ROBO2: variants seen among roughly 807,000 people sequenced by gnomAD.
ROBO2 encodes the protein roundabout guidance receptor 2.
Under a neutral mutation model 160.8 loss-of-function variants are expected in ROBO2, and 53 were observed. The observed-to-expected ratio is 0.33, with a 90% CI of 0.26 to 0.41. The LOEUF is 0.41. ROBO2 is among the 10% of genes least tolerant of loss of function. The probability of loss-of-function intolerance (pLI) is 1.00; values close to 1 mark genes in which losing one functional copy is unlikely to be tolerated. For synonymous variants in ROBO2, 664 were observed against 611.7 expected, an observed-to-expected ratio of 1.09 and a Z score of -1.26; for missense variants, 1,577 against 1,722.4, an observed-to-expected ratio of 0.92 and a Z score of 1.49.
intron 2 of ROBO2, among the ~76,000 whole-genome samples, chr3:77,426,998 A>G (rs1348883727): frequency 6.6e-6 from 1 of 152,058 alleles, no homozygotes; most frequent in East Asian, 1.9e-4. Context: ...AAAATTTGCT[A>G]ACAGCGAACT....
At chr3:76,215,365 T>G (rs1703438701) in intron 2 of ROBO2, among the ~76,000 whole-genome samples, 1 of 152,040 alleles carries the variant, frequency 6.6e-6, no homozygotes, top group African/African-American at 2.4e-5. Context: ...ACTACTCCGA[T>G]CTAAAGGAGG....
chr3:76,456,885 G>A (rs953997530), intron 2 of ROBO2, among the ~76,000 whole-genome samples: 14 of 152,086 alleles, frequency 9.2e-5, no homozygotes, highest in Admixed American at 7.9e-4. Flanking sequence ...GCAGAAACCC[G>A]TGATAAACCC....
chr3:76,289,527 G>T (rs1410377569), intron 2 of ROBO2, among the ~76,000 whole-genome samples: 1 of 152,004 alleles, frequency 6.6e-6, no homozygotes, highest in Non-Finnish European at 1.5e-5. Context: ...GGTTTTCTTT[G>T]CAATTGCTTT....
At chr3:77,320,954 C>A (rs939655242) in intron 2 of ROBO2, among the ~76,000 whole-genome samples, 1 of 152,110 alleles carries the variant, frequency 6.6e-6, no homozygotes, top group Non-Finnish European at 1.5e-5. Context: ...GCAAAGTAGG[C>A]AAGGTACTTT....
intron 2 of ROBO2, among the ~76,000 whole-genome samples, chr3:77,228,414 A>C (rs915230151): frequency 3.4e-5 from 5 of 148,914 alleles, no homozygotes; most frequent in Non-Finnish European, 6.0e-5. Flanking sequence ...TACATGCACA[A>C]ACACACACAC....
At chr3:77,110,956 A>T (rs961527705) in intron 2 of ROBO2, among the ~76,000 whole-genome samples, 2 of 152,154 alleles carry the variant, frequency 1.3e-5, no homozygotes, top group African/African-American at 4.8e-5. Flanking sequence ...GGTCTCCCAA[A>T]GTGCTGGAAC....
intron 23 of ROBO2, among the ~76,000 whole-genome samples, chr3:77,626,945 G>A (rs1041629020): frequency 7.9e-5 from 12 of 152,042 alleles, no homozygotes; most frequent in Admixed American, 5.9e-4. Flanking sequence ...CATCTGACTC[G>A]ACCACACAGC....
At chr3:76,189,510 C>T (rs1051881704) in intron 2 of ROBO2, among the ~76,000 whole-genome samples, 5 of 151,870 alleles carry the variant, frequency 3.3e-5, no homozygotes, top group African/African-American at 1.2e-4. Flanking sequence ...ACATATGTTC[C>T]CTATTAGATT....
At chr3:76,273,053 AAT>A (rs1188605418) in intron 2 of ROBO2, among the ~76,000 whole-genome samples, 1 of 100,334 alleles carries the variant, frequency 1.0e-5, no homozygotes, top group African/African-American at 4.0e-5. Context: ...ATATTATATA[AAT>A]ATATAAAAAA....
chr3:76,329,503 C>G (rs1046298298), intron 2 of ROBO2, among the ~76,000 whole-genome samples: 1 of 152,200 alleles, frequency 6.6e-6, no homozygotes, highest in African/African-American at 2.4e-5. Flanking sequence ...CAGGCCTGAG[C>G]CACGGCATCC....
chr3:77,588,778 A>G lies in ROBO2; in HGVS notation c.2528A>G (p.Glu843Gly), dbSNP rs746175257. The G allele has an allele frequency of 1.5e-5, 25 of 1,613,454 alleles. No homozygotes were observed. Among genetic ancestry groups the G allele is most frequent in the Non-Finnish European group, 1.9e-5 (22 of 1,179,536 alleles). Reference sequence around the variant, plus strand: ...AGACGCAATGAAGTTGTCATTACTGAAAACAATAACAGCATAACTGAGCAA... The same window carrying G: ...AGACGCAATGAAGTTGTCATTACTGGAAACAATAACAGCATAACTGAGCAA... Residue 843 changes from glutamate (E) to glycine (G), a missense_variant, in exon 17 of 26, where the codon GAA becomes GGA. Physicochemically the swap from Glu to Gly is moderately conservative, Grantham distance 98. Around this residue, in one of 2 missense-constraint regions of ROBO2, gnomAD observed 940 missense variants for 1,135.5 expected, o/e 0.83. Transcript: ENST00000461745.
intron 2 of ROBO2, among the ~76,000 whole-genome samples, chr3:76,842,600 T>G (rs1433682441): frequency 6.6e-6 from 1 of 152,200 alleles, no homozygotes; most frequent in Non-Finnish European, 1.5e-5. Context: ...ATGAGATTAG[T>G]TATTGCTTTT....
chr3:76,808,883 G>T (rs1454749335), intron 2 of ROBO2, among the ~76,000 whole-genome samples: 2 of 151,968 alleles, frequency 1.3e-5, no homozygotes, highest in Non-Finnish European at 2.9e-5. Context: ...AAATAAATAT[G>T]GAAATGATGG....
At chr3:76,265,286 G>A (rs763217226) in intron 2 of ROBO2, among the ~76,000 whole-genome samples, 1 of 152,020 alleles carries the variant, frequency 6.6e-6, no homozygotes, top group Non-Finnish European at 1.5e-5. Flanking sequence ...TCGTCTAGGT[G>A]TCCTCAGCCT....
chr3:76,439,985 AT>A (rs1357616134), intron 2 of ROBO2, among the ~76,000 whole-genome samples: 9 of 152,068 alleles, frequency 5.9e-5, no homozygotes, highest in African/African-American at 1.9e-4. Flanking sequence ...AACTAACAGA[AT>A]GTGGTAGCAG....
At chr3:76,188,777 A>G (rs1018249881) in intron 2 of ROBO2, among the ~76,000 whole-genome samples, 12 of 152,110 alleles carry the variant, frequency 7.9e-5, no homozygotes, top group Non-Finnish European at 7.4e-5. Context: ...TTCTGCAGTC[A>G]AGGACCAAGC....
intron 2 of ROBO2, among the ~76,000 whole-genome samples, chr3:77,416,542 C>T (rs796734749): frequency 1.3e-5 from 2 of 151,892 alleles, no homozygotes; most frequent in African/African-American, 4.8e-5. Flanking sequence ...GATGGTGAAA[C>T]ACCATCACTA....
chr3:75,995,271 G>A (rs989717191), intron 2 of ROBO2, among the ~76,000 whole-genome samples: 2 of 152,138 alleles, frequency 1.3e-5, no homozygotes, highest in Middle Eastern at 3.2e-3. Context: ...ATGGTTTCCA[G>A]GACCAGGTCC....
At chr3:75,949,537 C>T (rs962531401) in intron 2 of ROBO2, among the ~76,000 whole-genome samples, 6 of 152,064 alleles carry the variant, frequency 3.9e-5, no homozygotes, top group African/African-American at 1.2e-4. Flanking sequence ...GTTCACTCAA[C>T]ATGGACTGGT....
Sources: gnomAD v4.1 joint callset for allele counts (sites outside exome capture counted in the v4.1 genomes callset) on GRCh38, gnomAD v4.1.1 for gene constraint, gnomAD v4.1.1 regional missense constraint, MANE v1.5 for transcripts, NCBI Gene and HGNC (gene_info 2026-07-23, HGNC 2026-07-21) for gene names.